The following ENOX1 variants were observed in gnomAD, a reference collection of about 807,000 sequenced individuals.
ENOX1 encodes the protein candidate growth-related and time keeping constitutive hydroquinone (NADH) oxidase.
Under a neutral mutation model 82.5 loss-of-function variants are expected in ENOX1, and 42 were observed. The ratio of observed to expected loss-of-function variants is 0.51; its 90% CI spans 0.40 to 0.66. ENOX1 has a LOEUF of 0.66. ENOX1 is among the 30% of genes least tolerant of loss of function. The probability of loss-of-function intolerance (pLI) is 0.00; values close to 1 mark genes in which losing one functional copy is unlikely to be tolerated. For synonymous variants in ENOX1, 271 were observed against 282.2 expected, an observed-to-expected ratio of 0.96 and a Z score of 0.40; for missense variants, 608 against 811.6, an observed-to-expected ratio of 0.75 and a Z score of 3.05.
chr13:43,383,896 C>T (rs2052238142), intron 5 of ENOX1, among the ~76,000 whole-genome samples: 1 of 152,230 alleles, frequency 6.6e-6, no homozygotes, highest in African/African-American at 2.4e-5. Flanking sequence ...CTTCTTCTCT[C>T]CTTCCAGCAG....
At chr13:43,267,319 G>A (rs1013912701) in intron 13 of ENOX1, among the ~76,000 whole-genome samples, 1 of 152,216 alleles carries the variant, frequency 6.6e-6, no homozygotes, top group Non-Finnish European at 1.5e-5. Context: ...TGAAAGGCAG[G>A]AGTCAGTGGG....
At chr13:43,309,711 C>G (rs1009283867) in intron 11 of ENOX1, among the ~76,000 whole-genome samples, 5 of 152,102 alleles carry the variant, frequency 3.3e-5, no homozygotes, top group Non-Finnish European at 5.9e-5. Context: ...TATAAACTGT[C>G]TGGATGGATA....
intron 2 of ENOX1, among the ~76,000 whole-genome samples, chr13:43,595,281 C>T (rs1002827905): frequency 6.6e-6 from 1 of 151,958 alleles, no homozygotes; most frequent in Non-Finnish European, 1.5e-5. Flanking sequence ...TTTACATTTT[C>T]TTTTTCTTTG....
At chr13:43,308,057 G>A (rs909780560) in intron 11 of ENOX1, among the ~76,000 whole-genome samples, 1 of 152,242 alleles carries the variant, frequency 6.6e-6, no homozygotes. Flanking sequence ...TGACGGATGA[G>A]CAAACAGTTC....
intron 7 of ENOX1, among the ~76,000 whole-genome samples, chr13:43,358,990 T>C (rs2050323081): frequency 6.6e-6 from 1 of 152,264 alleles, no homozygotes; most frequent in Non-Finnish European, 1.5e-5. Context: ...TTCTGGAGTT[T>C]GCACAGAATT....
intron 3 of ENOX1, among the ~76,000 whole-genome samples, chr13:43,438,482 C>T (rs2056165508): frequency 1.3e-5 from 2 of 152,124 alleles, no homozygotes; most frequent in Admixed American, 6.5e-5. Flanking sequence ...CAGGTTTCCA[C>T]CTCAAAGGAA....
intron 2 of ENOX1, among the ~76,000 whole-genome samples, chr13:43,643,282 A>G (rs930868854): frequency 3.3e-5 from 5 of 152,182 alleles, no homozygotes; most frequent in Non-Finnish European, 7.3e-5. Flanking sequence ...TGAACTAAGA[A>G]GACAGACTAA....
chr13:43,231,726 A>G (rs1400761596), intron 15 of ENOX1, among the ~76,000 whole-genome samples: 1 of 152,072 alleles, frequency 6.6e-6, no homozygotes, highest in Non-Finnish European at 1.5e-5. Flanking sequence ...TGTGTCTCTG[A>G]TTTTACTACG....
intron 12 of ENOX1, among the ~76,000 whole-genome samples, chr13:43,291,332 C>T (rs2045987715): frequency 6.6e-6 from 1 of 152,222 alleles, no homozygotes; most frequent in Admixed American, 6.5e-5. Flanking sequence ...TTAGTCCTGC[C>T]ACCTTCTCTT....
intron 12 of ENOX1, among the ~76,000 whole-genome samples, chr13:43,291,504 T>C (rs1054193324): frequency 1.3e-5 from 2 of 152,234 alleles, no homozygotes; most frequent in South Asian, 2.1e-4. Flanking sequence ...TTCAGCTATC[T>C]TCACTCCAAA....
At chr13:43,738,635 A>G (rs1388055976) in intron 1 of ENOX1, among the ~76,000 whole-genome samples, 1 of 152,230 alleles carries the variant, frequency 6.6e-6, no homozygotes, top group Admixed American at 6.5e-5. Context: ...ATGTCCCACA[A>G]GCATACCAAG....
chr13:43,277,664 G>A lies in ENOX1; in HGVS notation c.1447-8087C>T, dbSNP rs550129050. On this transcript the variant is annotated intron_variant, in intron 12 of 16. Transcript: ENST00000690772. ...CAATGTCTCCCAGCGCAGGGGTGAA[G>A]GGAGGGCACAGGCTGTGTGTTCGCT... Among the ~76,000 whole-genome samples the A allele has an allele frequency of 7.9e-5, 12 of 152,350 alleles. No homozygotes were observed. The Middle Eastern group carries it at 0.01, about 130-fold the overall frequency.
chr13:43,509,576 T>G (rs1475711879), intron 2 of ENOX1, among the ~76,000 whole-genome samples: 2 of 152,106 alleles, frequency 1.3e-5, no homozygotes, highest in South Asian at 2.1e-4. Flanking sequence ...CTGGACTTTC[T>G]AAGTGTGTTA....
chr13:43,495,000 C>A (rs945044368), intron 2 of ENOX1, among the ~76,000 whole-genome samples: 1 of 152,002 alleles, frequency 6.6e-6, no homozygotes, highest in Non-Finnish European at 1.5e-5. Context: ...TGTGGAGATT[C>A]AAGAGGGGAG....
chr13:43,739,806 TA>T (rs1181526846), intron 1 of ENOX1, among the ~76,000 whole-genome samples: 1 of 151,908 alleles, frequency 6.6e-6, no homozygotes, highest in Non-Finnish European at 1.5e-5. Context: ...CGGGTCCACT[TA>T]AACTCAAATT....
intron 9 of ENOX1, among the ~76,000 whole-genome samples, chr13:43,336,148 G>C (rs2048696013): frequency 6.6e-6 from 1 of 152,152 alleles, no homozygotes; most frequent in Non-Finnish European, 1.5e-5. Context: ...TGACAGCAGG[G>C]GACATAGAAG....
intron 1 of ENOX1, among the ~76,000 whole-genome samples, chr13:43,692,366 G>C (rs1339690551): frequency 6.6e-6 from 1 of 152,016 alleles, no homozygotes; most frequent in Non-Finnish European, 1.5e-5. Context: ...ATAATCCAAG[G>C]GGAGAAAGTT....
chr13:43,596,273 T>G (rs1470823063), intron 2 of ENOX1, among the ~76,000 whole-genome samples: 1 of 152,264 alleles, frequency 6.6e-6, no homozygotes, highest in Non-Finnish European at 1.5e-5. Context: ...AGTGTACTGT[T>G]GCTCAAATAG....
intron 3 of ENOX1, among the ~76,000 whole-genome samples, chr13:43,422,782 G>A (rs2055052338): frequency 6.6e-6 from 1 of 152,096 alleles, no homozygotes; most frequent in Non-Finnish European, 1.5e-5. Flanking sequence ...ATATCACTCG[G>A]CATTACAAAT....
Sources: gnomAD v4.1 joint callset for allele counts (sites outside exome capture counted in the v4.1 genomes callset) on GRCh38, gnomAD v4.1.1 for gene constraint, MANE v1.5 for transcripts, NCBI Gene and HGNC (gene_info 2026-07-23, HGNC 2026-07-21) for gene names.